The following DCBLD1 variants were observed in gnomAD, a reference collection of about 807,000 sequenced individuals.
DCBLD1 encodes the protein discoidin, CUB and LCCL domain containing 1, also known as discoidin, CUB and LCCL domain-containing protein 1.
In DCBLD1, 57 loss-of-function variants were observed where a neutral mutation model predicts 71.5. The observed-to-expected ratio is 0.80, with a 90% CI of 0.64 to 0.99. The LOEUF is 0.99. DCBLD1 is among the 50% of genes least tolerant of loss of function. DCBLD1 has a pLI of 0.00. For missense variants in DCBLD1, 891 were observed against 923.5 expected (o/e 0.96, Z 0.46); for synonymous variants, 380 against 363.8 (o/e 1.04, Z -0.51).
downstream of DCBLD1, among the ~76,000 whole-genome samples, chr6:117,551,261 C>T (rs1779421939): frequency 6.6e-6 from 1 of 152,134 alleles, no homozygotes; most frequent in South Asian, 2.1e-4. Flanking sequence ...TGAAAATGAT[C>T]AGCCCTTTTT....
intron 14 of DCBLD1, among the ~76,000 whole-genome samples, chr6:117,558,646 T>G (rs1329139161): frequency 6.6e-6 from 1 of 152,114 alleles, no homozygotes; most frequent in Non-Finnish European, 1.5e-5. Context: ...AGGTACAAGC[T>G]CCAAGATTCA....
intron 14 of DCBLD1, among the ~76,000 whole-genome samples, chr6:117,567,549 T>A (rs1259039875): frequency 6.6e-6 from 1 of 152,130 alleles, no homozygotes; most frequent in African/African-American, 2.4e-5. Context: ...TACAAAATGA[T>A]TTTTTGTTTC....
At chr6:117,499,417 A>G (rs1007384722) in intron 1 of DCBLD1, among the ~76,000 whole-genome samples, 1 of 138,070 alleles carries the variant, frequency 7.2e-6, no homozygotes, top group Non-Finnish European at 1.5e-5. Context: ...AAAGAAAAAG[A>G]AAAAAAAAAG....
chr6:117,511,105 C>G (rs554984344), intron 2 of DCBLD1, among the ~76,000 whole-genome samples: 3 of 152,260 alleles, frequency 2.0e-5, no homozygotes, highest in Non-Finnish European at 2.9e-5. Flanking sequence ...CTCTTTAGCT[C>G]TGCACCATCC....
intron 2 of DCBLD1, among the ~76,000 whole-genome samples, chr6:117,519,529 CTT>C (rs772113729): frequency 4.8e-4 from 73 of 152,226 alleles, no homozygotes; most frequent in Non-Finnish European, 7.4e-5. Context: ...TGTGTTTGAC[CTT>C]TGTCTTCTTT....
At chr6:117,496,829 G>T (rs919991390) in intron 1 of DCBLD1, among the ~76,000 whole-genome samples, 1 of 152,124 alleles carries the variant, frequency 6.6e-6, no homozygotes, top group Non-Finnish European at 1.5e-5. Flanking sequence ...AAACTGAATA[G>T]AATAGGAAAT....
chr6:117,512,531 G>A (rs1255457445), intron 2 of DCBLD1, among the ~76,000 whole-genome samples: 1 of 152,140 alleles, frequency 6.6e-6, no homozygotes, highest in Non-Finnish European at 1.5e-5. Flanking sequence ...ATTGAAAATG[G>A]ACACAAATCT....
At chr6:117,490,786 C>G (rs1381177552) in intron 1 of DCBLD1, among the ~76,000 whole-genome samples, 2 of 151,582 alleles carry the variant, frequency 1.3e-5, no homozygotes, top group African/African-American at 2.4e-5. Flanking sequence ...TTTACATTTA[C>G]TGAAAAAGAA....
At chr6:117,483,328 C>T (rs1224790681) in intron 1 of DCBLD1, among the ~76,000 whole-genome samples, 6 of 152,210 alleles carry the variant, frequency 3.9e-5, no homozygotes, top group Non-Finnish European at 8.8e-5. Flanking sequence ...CCTCGGCCGG[C>T]GCTGGGCCCT....
At chr6:117,492,145 A>G (rs1777315268) in intron 1 of DCBLD1, among the ~76,000 whole-genome samples, 1 of 152,240 alleles carries the variant, frequency 6.6e-6, no homozygotes, top group South Asian at 2.1e-4. Context: ...CTGACTCAGT[A>G]AAAGTATTTC....
chr6:117,483,000 T>TG lies in DCBLD1; in HGVS notation c.112+113dup, dbSNP rs1236765597. The TG allele has an allele frequency of 4.1e-5, 41 of 993,924 alleles. No individual in the cohort carries two copies. In the Middle Eastern group the frequency reaches 1.9e-3, roughly 46 times the overall value. The allele number at this position is 993,924 out of a possible 1,614,324, so 61.6% of individuals were successfully genotyped here. On this transcript the variant is annotated intron_variant, in intron 1 of 14. Coordinates refer to ENST00000338728, the MANE Select transcript of DCBLD1 (RefSeq NM_001366458.2). ...CGAGGGCTACGGGGCGGGCCGGGCC[T>TG]GGGGGGACGGAGCGCGGGAGGAAGT...
downstream of DCBLD1, among the ~76,000 whole-genome samples, chr6:117,552,001 C>T (rs1355104120): frequency 6.6e-6 from 1 of 152,112 alleles, no homozygotes; most frequent in Non-Finnish European, 1.5e-5. Flanking sequence ...TGGTGCAAGC[C>T]TGTAGTCCTA....
At chr6:117,511,852 C>A (rs998168409) in intron 2 of DCBLD1, among the ~76,000 whole-genome samples, 1 of 152,128 alleles carries the variant, frequency 6.6e-6, no homozygotes. Context: ...ATTTCCAGCT[C>A]ACAGAGAGCT....
chr6:117,534,857 G>T (rs1173531729), intron 6 of DCBLD1, among the ~76,000 whole-genome samples: 1 of 151,674 alleles, frequency 6.6e-6, no homozygotes, highest in African/African-American at 2.4e-5. Flanking sequence ...AATTAGAAAG[G>T]GTTTTGCTTC....
chr6:117,509,554 A>G (rs1162169979), intron 2 of DCBLD1, among the ~76,000 whole-genome samples: 1 of 152,148 alleles, frequency 6.6e-6, no homozygotes, highest in African/African-American at 2.4e-5. Flanking sequence ...AACGTTAGCC[A>G]TTATTTTTCC....
chr6:117,560,286 A>C (rs1779557623), intron 14 of DCBLD1: 2 of 175,366 alleles, frequency 1.1e-5, no homozygotes, highest in Non-Finnish European at 2.5e-5. Context: ...TCAAGGAAAC[A>C]AAATGTTTAT....
chr6:117,508,827 C>G (rs116488586), intron 2 of DCBLD1, among the ~76,000 whole-genome samples: 1 of 152,162 alleles, frequency 6.6e-6, no homozygotes. Flanking sequence ...AGGAACCAGA[C>G]GCTGGCCAGT....
chr6:117,554,387 T>C (rs1009209330), downstream of DCBLD1, among the ~76,000 whole-genome samples: 2 of 152,226 alleles, frequency 1.3e-5, no homozygotes, highest in Non-Finnish European at 2.9e-5. Flanking sequence ...TATTCCTTTT[T>C]TTCCCCCTCA....
chr6:117,520,062 A>T (rs1384977705), intron 3 of DCBLD1, 112 bp downstream of exon 3: 1 of 1,499,824 alleles, frequency 6.7e-7, no homozygotes, highest in East Asian at 2.3e-5. Context: ...GAATTAAGAT[A>T]TGAGGGAGAA....
Sources: gnomAD v4.1 joint callset for allele counts (sites outside exome capture counted in the v4.1 genomes callset) on GRCh38, gnomAD v4.1.1 for gene constraint, MANE v1.5 for transcripts, NCBI Gene and HGNC (gene_info 2026-07-23, HGNC 2026-07-21) for gene names.